The following CAMK1D variants were observed in gnomAD, a reference collection of about 807,000 sequenced individuals.
CAMK1D encodes calcium/calmodulin-dependent protein kinase type 1D.
In CAMK1D, 9 loss-of-function variants were observed where a neutral mutation model predicts 47.7. That is an observed-to-expected ratio of 0.19 (90% CI 0.11 to 0.33). The LOEUF is 0.33. Ranked by LOEUF, CAMK1D falls within the 10% of genes least tolerant of loss-of-function variation. The pLI is 1.00. For missense variants in CAMK1D, 291 were observed against 488.7 expected, an observed-to-expected ratio of 0.60 and a Z score of 3.81; for synonymous variants, 184 against 184.9, an observed-to-expected ratio of 0.99 and a Z score of 0.04.
chr10:12,729,257 A>G (rs76593725), intron 3 of CAMK1D, among the ~76,000 whole-genome samples: 4,274 of 152,286 alleles, frequency 0.028, 133 homozygotes, highest in African/African-American at 0.079. Flanking sequence ...CTCCACCTCC[A>G]TGGAGCAGGG....
intron 1 of CAMK1D, among the ~76,000 whole-genome samples, chr10:12,384,905 A>G (rs1007830887): frequency 6.6e-6 from 1 of 152,230 alleles, no homozygotes; most frequent in African/African-American, 2.4e-5. Flanking sequence ...TGAATCTACA[A>G]TATGTTAAAA....
At chr10:12,360,453 G>A (rs546113817) in intron 1 of CAMK1D, among the ~76,000 whole-genome samples, 3 of 152,230 alleles carry the variant, frequency 2.0e-5, no homozygotes, top group Non-Finnish European at 2.9e-5. Context: ...GCAGGCCAGC[G>A]TCCCCTGCCC....
Position 12,666,905 on chromosome 10 carries a change from A to T in CAMK1D, c.299+95A>T, listed in dbSNP as rs570375942. 1.6e-5 allele frequency: 16 copies of T among 1,001,634 alleles called. No individual in the cohort carries two copies. In the South Asian group the frequency reaches 1.9e-4, roughly 12 times the overall value. The allele number at this position is 1,001,634 out of a possible 1,614,324, so 62.0% of individuals were successfully genotyped here. A position where few individuals can be genotyped will look rare whatever the true frequency, so the allele number is the denominator to read the frequency against. ...GGAAAAGAAGTGATTGAAGTGGGCC[A>T]GGTAAGGCAGTAGGGAGCAGGGAGG... On this transcript the variant is annotated intron_variant, in intron 3 of 10. Coordinates refer to ENST00000619168, the MANE Select transcript of CAMK1D (RefSeq NM_153498.4).
chr10:12,408,626 G>A (rs1839534600), intron 1 of CAMK1D, among the ~76,000 whole-genome samples: 1 of 152,022 alleles, frequency 6.6e-6, no homozygotes, highest in Admixed American at 6.6e-5. Flanking sequence ...GTGGTGGTGG[G>A]GGTGGTTCAG....
At chr10:12,394,387 C>T (rs1233727137) in intron 1 of CAMK1D, among the ~76,000 whole-genome samples, 1 of 152,188 alleles carries the variant, frequency 6.6e-6, no homozygotes, top group East Asian at 1.9e-4. Flanking sequence ...ACTGACTCAA[C>T]CTCCAGTGCC....
chr10:12,760,030 A>G (rs376271024), intron 3 of CAMK1D, among the ~76,000 whole-genome samples: 8 of 152,114 alleles, frequency 5.3e-5, no homozygotes, highest in African/African-American at 1.9e-4. Context: ...AGTGTTAATA[A>G]ATCCCTTGAA....
At chr10:12,816,157 C>G (rs1832783530) in intron 7 of CAMK1D, 93 bp from the exon 8 acceptor site, 2 of 932,762 alleles carry the variant, frequency 2.1e-6, no homozygotes, top group African/African-American at 1.6e-5. Flanking sequence ...ATTTTTCATG[C>G]TACACACGCT....
intron 3 of CAMK1D, among the ~76,000 whole-genome samples, chr10:12,692,922 G>A (rs968095898): frequency 6.6e-6 from 1 of 152,190 alleles, no homozygotes; most frequent in Non-Finnish European, 1.5e-5. Context: ...AATTTTATGT[G>A]AAAATGTGGC....
chr10:12,440,345 C>T (rs540237598), intron 1 of CAMK1D, among the ~76,000 whole-genome samples: 1 of 150,388 alleles, frequency 6.6e-6, no homozygotes, highest in South Asian at 2.1e-4. Context: ...AATGCAGTGG[C>T]ATGATCTTGG....
At chr10:12,622,531 C>T (rs1259489686) in intron 2 of CAMK1D, among the ~76,000 whole-genome samples, 2 of 149,712 alleles carry the variant, frequency 1.3e-5, no homozygotes, top group Non-Finnish European at 3.0e-5. Context: ...TGTGTGTGTA[C>T]GTGTGTGTGT....
At chr10:12,558,422 C>T (rs1331163307) in intron 2 of CAMK1D, among the ~76,000 whole-genome samples, 1 of 152,012 alleles carries the variant, frequency 6.6e-6, no homozygotes, top group African/African-American at 2.4e-5. Context: ...AGCGTTGTGG[C>T]GCATACCTAT....
chr10:12,413,151 G>T (rs1239420255), intron 1 of CAMK1D, among the ~76,000 whole-genome samples: 1 of 152,182 alleles, frequency 6.6e-6, no homozygotes, highest in Non-Finnish European at 1.5e-5. Context: ...TCTGTCATCA[G>T]CTTGGTTTCT....
chr10:12,372,794 A>C (rs961076885), intron 1 of CAMK1D, among the ~76,000 whole-genome samples: 4 of 142,084 alleles, frequency 2.8e-5, no homozygotes, highest in African/African-American at 9.9e-5. Context: ...AGGCTCAGCT[A>C]ATTTTTTTGC....
rs200384221 is a variant in CAMK1D at position 12,601,189 on chromosome 10, G to T, written c.224+47833G>T. Among the ~76,000 whole-genome samples the T allele has an allele frequency of 2.6e-3, 45 of 17,078 alleles. 2 individuals carry two copies. The highest frequency in any genetic ancestry group is 0.014 in the Non-Finnish European group (21 of 1,550). The allele number at this position is 17,078 out of a possible 152,430, so 11.2% of individuals were successfully genotyped here. A position where few individuals can be genotyped will look rare whatever the true frequency, so the allele number is the denominator to read the frequency against. ...AAATGATAGTTTTTTTTTTTTGTTT[G>T]TTTGTTTTTTTTTTTTTTTTGCTCA... On this transcript the variant is annotated intron_variant, in intron 2 of 10. Coordinates refer to ENST00000619168, the MANE Select transcript of CAMK1D (RefSeq NM_153498.4).
chr10:12,436,477 G>A (rs11595633), intron 1 of CAMK1D, among the ~76,000 whole-genome samples: 21,998 of 152,244 alleles, frequency 0.14, 1,995 homozygotes, highest in Non-Finnish European at 0.21. Flanking sequence ...ATTGAGGCTT[G>A]CTGACTTTGT....
intron 1 of CAMK1D, among the ~76,000 whole-genome samples, chr10:12,515,403 TTTTTTTTTTTTTTTC>T (rs202078433): frequency 0.1 from 10,286 of 100,078 alleles, 481 homozygotes; most frequent in East Asian, 0.24. Flanking sequence ...TTTCCTTTTC[TTTTTTTTTTTTTTTC>T]TTTTTTTTTT....
intron 1 of CAMK1D, among the ~76,000 whole-genome samples, chr10:12,357,612 G>A (rs957365053): frequency 1.3e-5 from 2 of 152,132 alleles, no homozygotes; most frequent in African/African-American, 4.8e-5. Context: ...CACTGCACTC[G>A]GCCATTATGT....
chr10:12,419,412 T>TA (rs1368091699), intron 1 of CAMK1D, among the ~76,000 whole-genome samples: 6 of 152,126 alleles, frequency 3.9e-5, no homozygotes, highest in Non-Finnish European at 1.5e-5. Context: ...GTAGCAACAT[T>TA]TTCCAAGTTA....
At chr10:12,437,927 C>G (rs778936678) in intron 1 of CAMK1D, among the ~76,000 whole-genome samples, 8 of 152,212 alleles carry the variant, frequency 5.3e-5, no homozygotes, top group Non-Finnish European at 7.3e-5. Flanking sequence ...ATATTCACAT[C>G]AGCTTCTTGT....
Sources: gnomAD v4.1 joint callset for allele counts (sites outside exome capture counted in the v4.1 genomes callset) on GRCh38, gnomAD v4.1.1 for gene constraint, MANE v1.5 for transcripts, NCBI Gene and HGNC (gene_info 2026-07-23, HGNC 2026-07-21) for gene names.